Variants in GSTM4 observed in about 807,000 individuals in gnomAD.
The protein encoded by GSTM4 is GST class-mu 4.
In GSTM4, 27 loss-of-function variants were observed where a neutral mutation model predicts 30.1. The observed-to-expected ratio is 0.90, with a 90% confidence interval of 0.66 to 1.24. The LOEUF (loss-of-function observed/expected upper bound fraction) is 1.24, where lower values mean the gene tolerates loss of function less well. GSTM4 is among the 50% of genes most tolerant of loss of function. The pLI, the probability that GSTM4 is intolerant of heterozygous loss-of-function variation, is 0.00. For synonymous variants in GSTM4, 94 were observed against 96.2 expected, an observed-to-expected ratio of 0.98 and a Z score of 0.13; for missense variants, 238 against 272.1, an observed-to-expected ratio of 0.87 and a Z score of 0.88.
downstream of GSTM4, among the ~76,000 whole-genome samples, chr1:109,662,318 G>A (rs762184227): frequency 3.3e-5 from 5 of 152,162 alleles, no homozygotes; most frequent in African/African-American, 4.8e-5. Flanking sequence ...CAGAGGTGGT[G>A]GAATTCCCAT....
In GSTM4 at chr1:109,657,611, G is replaced by C. The variant is rs772778849; in HGVS notation, c.199G>C (p.Ala67Pro). 1 of 1,614,214 alleles carries C rather than the reference G, an allele frequency of 6.2e-7. No homozygotes were observed. Among genetic ancestry groups the C allele is most frequent in the Admixed American group, 1.7e-5 (1 of 60,028 alleles). The change falls in exon 4 of 8, where the codon GCT (alanine) becomes CCT (proline). Residue 67 changes from alanine (A) to proline (P), a missense_variant. By Grantham distance (27) the Ala-to-Pro change is conservative (BLOSUM62 -1). Transcript: ENST00000369836. ...FPNLPYLIDG[A>P]HKITQSNAIL... ...CCAGCTGCCCTACTTGATTGATGGG[G>C]CTCACAAGATCACCCAGAGCAACGC...
At chr1:109,659,482 G>A in intron 7 of GSTM4, 1 of 975,274 alleles carries the variant, frequency 1.0e-6, no homozygotes, top group Non-Finnish European at 1.5e-6. Flanking sequence ...CATCCAGCCT[G>A]GATTTCACAG....
At position 109,658,898 on chromosome 1, in the gene GSTM4, G is replaced by A; in HGVS notation, c.445G>A (p.Val149Ile). 1 of 1,613,904 alleles carries A rather than the reference G, an allele frequency of 6.2e-7. No homozygotes were observed. The highest frequency in any genetic ancestry group is 8.5e-7 in the Non-Finnish European group (1 of 1,179,726). The change falls in exon 6 of 8, where the codon GTT becomes ATT. Residue 149 changes from valine to isoleucine, a missense_variant. Transcript: ENST00000369836. ...SQFLGKRPWF[V>I]GDKITFVDFL... is the part of the protein sequence containing the mutation. Reference sequence around the variant, plus strand: ...GTTCCTGGGGAAGAGGCCATGGTTTGTTGGAGACAAGGTAATGGGGGCATG... The same window carrying A: ...GTTCCTGGGGAAGAGGCCATGGTTTATTGGAGACAAGGTAATGGGGGCATG...
At position 109,656,718 on chromosome 1, in the gene GSTM4, C is replaced by G. The variant is rs757008208; in HGVS notation, c.43C>G (p.His15Asp). The G allele has an allele frequency of 1.2e-6, 2 of 1,613,892 alleles. No homozygotes were observed. The highest frequency in any genetic ancestry group is 1.3e-5 in the African/African-American group (1 of 74,974). The part of the protein sequence containing the change: ...LGYWDIRGLA[H>D]AIRLLLEYTD... ...TGCGGGCCATCTCTTCCAGCTGGCC[C>G]ACGCCATCCGCCTGCTCCTGGAATA... is the stretch of plus-strand genomic sequence containing the variant. The change falls in exon 2 of 8, where the codon CAC becomes GAC. Residue 15 changes from histidine to aspartate, a missense_variant. Transcript: ENST00000369836.
Position 109,657,208 on chromosome 1 carries a change from A to T in GSTM4, c.113-7A>T, listed in dbSNP as rs1652042600. 1 of 1,612,414 alleles carries T rather than the reference A, an allele frequency of 6.2e-7. No individual in the cohort carries two copies. Among genetic ancestry groups the T allele is most frequent in the Non-Finnish European group, 8.5e-7 (1 of 1,179,856 alleles). On this transcript the variant is annotated splice_polypyrimidine_tract_variant and splice_region_variant and intron_variant, in intron 2 of 7. Coordinates refer to ENST00000369836, the MANE Select transcript of GSTM4 (RefSeq NM_000850.5). Reference sequence around the variant, plus strand: ...GGTTTGTTTTCACTTCTTCTTCCCCACGGCAGCTCCTGACTATGACAGAAG... The same window carrying T: ...GGTTTGTTTTCACTTCTTCTTCCCCTCGGCAGCTCCTGACTATGACAGAAG...
intron 5 of GSTM4, chr1:109,658,263 G>C (rs541078463): frequency 2.8e-4 from 68 of 243,014 alleles, no homozygotes; most frequent in Admixed American, 9.6e-4. Context: ...GTGGAATTCC[G>C]TGCTATTCTT....
chr1:109,656,988 G>T (rs1652031682), intron 2 of GSTM4: 2 of 780,420 alleles, frequency 2.6e-6, no homozygotes, highest in Admixed American at 2.0e-5. Flanking sequence ...TGTTTAATTG[G>T]GTTGGGTGTC....
intron 6 of GSTM4, 23 bp from the exon 7 acceptor site, chr1:109,658,977 C>T: frequency 6.2e-7 from 1 of 1,613,580 alleles, no homozygotes; most frequent in Non-Finnish European, 8.5e-7. Context: ...GATTCCAGCC[C>T]ACACATTCTT....
chr1:109,664,801 C>T (rs1307985830), downstream of GSTM4, among the ~76,000 whole-genome samples: 5 of 152,160 alleles, frequency 3.3e-5, no homozygotes, highest in East Asian at 9.6e-4. Flanking sequence ...CTACCTTCAC[C>T]TTTTTTGTTT....
At chr1:109,665,095 G>A (rs918504801), downstream of GSTM4, 27 of 973,860 alleles carry the variant, frequency 2.8e-5, no homozygotes, top group African/African-American at 6.4e-5. Flanking sequence ...TAAAATCATT[G>A]TGCTTGTGAG....
chr1:109,662,023 C>CT (rs781485628), downstream of GSTM4, among the ~76,000 whole-genome samples: 2 of 152,080 alleles, frequency 1.3e-5, no homozygotes, highest in African/African-American at 2.4e-5. Flanking sequence ...AGATGTGTCT[C>CT]TTTATGTTGC....
intron 5 of GSTM4, chr1:109,658,505 T>C (rs1012740983): frequency 6.9e-5 from 26 of 375,002 alleles, no homozygotes; most frequent in African/African-American, 5.2e-4. Flanking sequence ...ATTTTGCTCA[T>C]GTCTGGGTCC....
rs187989710 is a variant in GSTM4 at position 109,661,423 on chromosome 1, C to A, written c.*169C>A. The A allele has an allele frequency of 2.0e-6, 3 of 1,477,814 alleles. No individual in the cohort carries two copies. The highest frequency in any genetic ancestry group is 1.4e-5 in the South Asian group (1 of 71,946). The allele number at this position is 1,477,814 out of a possible 1,614,324, so 91.5% of individuals were successfully genotyped here. On this transcript the variant is annotated 3_prime_UTR_variant, in exon 8 of 8. Coordinates refer to ENST00000369836, the MANE Select transcript of GSTM4 (RefSeq NM_000850.5). ...ATTGGGCCTCTTCACTTCCCCTAAA[C>A]CCCTGTCCCATGCAGGCCCTTTGAA... is the stretch of plus-strand genomic sequence containing the variant.
At position 109,657,617 on chromosome 1, in the gene GSTM4, A is replaced by G. The variant is rs368093123; in HGVS notation, c.205A>G (p.Lys69Glu). ...GCCCTACTTGATTGATGGGGCTCAC[A>G]AGATCACCCAGAGCAACGCCATCCT... ...NLPYLIDGAH[K>E]ITQSNAILCY... The change falls in exon 4 of 8, where the codon AAG (lysine) becomes GAG (glutamate). Residue 69 changes from lysine (K) to glutamate (E), a missense_variant. By Grantham distance (56) the Lys-to-Glu change is moderately conservative. Transcript: ENST00000369836. 6.2e-7 allele frequency: 1 copy of G among 1,614,162 alleles called. No homozygotes were observed. Among genetic ancestry groups the G allele is most frequent in the Non-Finnish European group, 8.5e-7 (1 of 1,180,024 alleles).
At chr1:109,658,576 A>C in intron 5 of GSTM4, 1 of 537,280 alleles carries the variant, frequency 1.9e-6, no homozygotes, top group Middle Eastern at 5.0e-4. Flanking sequence ...TTGGGAGGTC[A>C]GTGGGGACAG....
chr1:109,662,780 G>A (rs963328807), downstream of GSTM4, among the ~76,000 whole-genome samples: 1 of 152,218 alleles, frequency 6.6e-6, no homozygotes, highest in African/African-American at 2.4e-5. Flanking sequence ...GAACTGTCAT[G>A]CATTGCTGGT....
intron 1 of GSTM4, 101 bp from the exon 2 acceptor site, chr1:109,656,611 G>GC (rs1652007899): frequency 1.9e-5 from 14 of 739,072 alleles, no homozygotes; most frequent in South Asian, 1.4e-4. Context: ...GGTGGGGGGG[G>GC]GGTGCAGTGC....
Position 109,659,256 on chromosome 1 carries a change from A to G in GSTM4, c.567+146A>G, listed in dbSNP as rs557107948. On this transcript the variant is annotated intron_variant, in intron 7 of 7. Transcript: ENST00000369836. Reference sequence around the variant, plus strand: ...CCAGGAACCTTGCCCAGCACATTATACCTATCGTGTGGAATTTGAAATTTC... The same window carrying G: ...CCAGGAACCTTGCCCAGCACATTATGCCTATCGTGTGGAATTTGAAATTTC... 5.0e-6 allele frequency: 8 copies of G among 1,606,828 alleles called. No individual in the cohort carries two copies. The East Asian group carries it at 1.6e-4, about 31-fold the overall frequency.
At chr1:109,659,361 T>C in intron 7 of GSTM4, 1 of 1,492,478 alleles carries the variant, frequency 6.7e-7, no homozygotes, top group South Asian at 1.4e-5. Flanking sequence ...AGTCCTTTGT[T>C]CTGGGTCCCA....
Sources: gnomAD v4.1 joint callset for allele counts (sites outside exome capture counted in the v4.1 genomes callset) on GRCh38, gnomAD v4.1.1 for gene constraint, MANE v1.5 for transcripts, NCBI Gene and HGNC (gene_info 2026-07-23, HGNC 2026-07-21) for gene names.